The following HNRNPA3 variants were observed in gnomAD, a reference collection of about 807,000 sequenced individuals.
HNRNPA3 encodes the protein heterogeneous nuclear ribonucleoprotein A3, also known as epididymis secretory sperm binding protein.
In HNRNPA3, 3 loss-of-function variants were observed where a neutral mutation model predicts 45.8. That is an observed-to-expected ratio of 0.07 (90% CI 0.03 to 0.17). The LOEUF is 0.17. HNRNPA3 is among the 10% of genes least tolerant of loss of function. The probability of loss-of-function intolerance (pLI) is 1.00; values close to 1 mark genes in which losing one functional copy is unlikely to be tolerated. For synonymous variants in HNRNPA3, 170 were observed against 155.6 expected (o/e 1.09, Z -0.69); for missense variants, 183 against 480.3 (o/e 0.38, Z 5.79).
intron 8 of HNRNPA3, 107 bp from the exon 9 acceptor site, chr2:177,218,930 T>C: frequency 7.5e-7 from 1 of 1,325,440 alleles, no homozygotes; most frequent in Non-Finnish European, 1.0e-6. Flanking sequence ...CACAGTGATG[T>C]GTATAAGCAT....
chr2:177,217,655 G>T, intron 7 of HNRNPA3, 50 bp from the exon 8 acceptor site: 1 of 1,607,686 alleles, frequency 6.2e-7, no homozygotes, highest in Non-Finnish European at 8.5e-7. Context: ...TGAATAACGT[G>T]ACTATACACT....
intron 7 of HNRNPA3, among the ~76,000 whole-genome samples, 182 bp from the exon 8 acceptor site, chr2:177,217,523 G>A (rs1017290288): frequency 4.6e-5 from 7 of 152,206 alleles, no homozygotes; most frequent in African/African-American, 1.7e-4. Context: ...TAGCTACTCA[G>A]GAGACTGAGG....
chr2:177,218,429 G>A lies in HNRNPA3; in HGVS notation c.961+584G>A, dbSNP rs532630743. Among the ~76,000 whole-genome samples, 47 of 152,260 alleles carry A rather than the reference G, an allele frequency of 3.1e-4. No individual in the cohort carries two copies. The South Asian group carries it at 7.9e-3, about 25-fold the overall frequency. On this transcript the variant is annotated intron_variant, in intron 8 of 10. Transcript: ENST00000392524. ...TACCAGTATTCAGTACATGTTTTAC[G>A]TGTAAAAGATTGGGAGTTTATTTAT...
At chr2:177,216,763 G>A in exon 6 of HNRNPA3, 1 of 1,614,192 alleles carries the variant, frequency 6.2e-7, no homozygotes. Context: ...GGAAACTTTG[G>A]TGGAAGAGGT....
intron 1 of HNRNPA3, among the ~76,000 whole-genome samples, 165 bp downstream of exon 1, chr2:177,213,036 C>T (rs1178080265): frequency 6.6e-6 from 1 of 152,058 alleles, no homozygotes; most frequent in Non-Finnish European, 1.5e-5. Flanking sequence ...TCCTTGGGGC[C>T]CCTCGCCCGC....
intron 7 of HNRNPA3, 95 bp from the exon 8 acceptor site, chr2:177,217,610 G>A (rs966530269): frequency 2.5e-5 from 38 of 1,497,198 alleles, no homozygotes; most frequent in Non-Finnish European, 3.2e-5. Context: ...CCGGGCAACA[G>A]AGCAAGACCC....
exon 6 of HNRNPA3, chr2:177,216,752 T>A (rs1688957864): frequency 1.2e-6 from 2 of 1,614,056 alleles, no homozygotes; most frequent in African/African-American, 2.7e-5. Flanking sequence ...TTGGCCGTGG[T>A]GGAAACTTTG....
intron 1 of HNRNPA3, among the ~76,000 whole-genome samples, chr2:177,213,149 C>T (rs1182605345): frequency 6.7e-6 from 1 of 149,596 alleles, no homozygotes; most frequent in African/African-American, 2.5e-5. Context: ...GCCTCCGAAG[C>T]GAGGCCGAGG....
At chr2:177,213,165 A>C (rs1034136327) in intron 1 of HNRNPA3, among the ~76,000 whole-genome samples, 1 of 143,214 alleles carries the variant, frequency 7.0e-6, no homozygotes, top group African/African-American at 2.5e-5. Flanking sequence ...CGAGGGCGGC[A>C]TGGCGGGCCC....
rs763776278 is a variant in HNRNPA3 at position 177,215,673 on chromosome 2, A to G, written c.195+12A>G. On this transcript the variant is annotated intron_variant, in intron 2 of 10. Coordinates refer to ENST00000392524, the Ensembl canonical transcript of HNRNPA3. The stretch of plus-strand genomic sequence containing the variant: ...TCACAGATTGTGTGGTAAGTTACTA[A>G]GAGAACAGAAGGGTTCTAAGGGGTG... 5.0e-6 allele frequency: 8 copies of G among 1,613,840 alleles called. No homozygotes were observed. Among genetic ancestry groups the G allele is most frequent in the African/African-American group, 2.7e-5 (2 of 74,924 alleles).
At chr2:177,222,810 AAGGTTGG>A (rs1463111097), downstream of HNRNPA3, 2 of 152,632 alleles carry the variant, frequency 1.3e-5, no homozygotes, top group Non-Finnish European at 2.9e-5. Context: ...GTCATGGGTA[AAGGTTGG>A]TCTTCAAGTG....
intron 1 of HNRNPA3, among the ~76,000 whole-genome samples, chr2:177,213,605 T>C (rs1688787496): frequency 6.6e-6 from 1 of 152,264 alleles, no homozygotes; most frequent in Non-Finnish European, 1.5e-5. Flanking sequence ...ATTACACTTC[T>C]TAAACCGCCA....
chr2:177,219,372 AGT>A, intron 10 of HNRNPA3, 34 bp from the exon 11 acceptor site: 2 of 1,290,804 alleles, frequency 1.5e-6, no homozygotes, highest in African/African-American at 1.5e-5. Context: ...CTGTTCACTG[AGT>A]GTAATAATTT....
downstream of HNRNPA3, chr2:177,223,855 G>A (rs535297429): frequency 2.6e-5 from 4 of 152,284 alleles, no homozygotes; most frequent in South Asian, 8.3e-4. Flanking sequence ...TTTTAGAAAT[G>A]TGTGTGTTGT....
chr2:177,213,216 G>A (rs1428934190), intron 1 of HNRNPA3, among the ~76,000 whole-genome samples: 2 of 152,214 alleles, frequency 1.3e-5, no homozygotes, highest in Non-Finnish European at 2.9e-5. Flanking sequence ...GGAGGGGAGG[G>A]GACGAGCAGG....
downstream of HNRNPA3, chr2:177,220,416 C>T (rs1689137489): frequency 6.5e-6 from 1 of 154,474 alleles, no homozygotes; most frequent in Non-Finnish European, 1.5e-5. Context: ...TTAGTGGGTA[C>T]CTTTTTTTTC....
chr2:177,213,675 A>G (rs1296115511), intron 1 of HNRNPA3, among the ~76,000 whole-genome samples: 3 of 152,248 alleles, frequency 2.0e-5, no homozygotes, highest in African/African-American at 4.8e-5. Flanking sequence ...CAACCCAGCC[A>G]GCTCCTTCCC....
downstream of HNRNPA3, chr2:177,223,345 G>A (rs553636017): frequency 6.6e-6 from 1 of 151,612 alleles, no homozygotes; most frequent in Admixed American, 6.6e-5. Flanking sequence ...TATTTAAACA[G>A]TTCCATTGTC....
chr2:177,214,151 T>C (rs895801772), intron 1 of HNRNPA3, among the ~76,000 whole-genome samples: 2 of 152,244 alleles, frequency 1.3e-5, no homozygotes, highest in East Asian at 1.9e-4. Flanking sequence ...TTAAAAAGTC[T>C]TGACTAAAGT....
Sources: allele counts gnomAD v4.1 joint callset (sites outside exome capture counted in the v4.1 genomes callset), GRCh38; gene constraint gnomAD v4.1.1; transcripts MANE v1.5; gene names NCBI Gene and HGNC (gene_info 2026-07-23, HGNC 2026-07-21).